The following EGFLAM variants were observed in gnomAD, a reference collection of about 807,000 sequenced individuals.
The protein encoded by EGFLAM is pikachurin.
EGFLAM carries 79 observed loss-of-function variants against 113.1 expected under a neutral mutation model. That is an observed-to-expected ratio of 0.70 (90% CI 0.58 to 0.84). EGFLAM has a LOEUF of 0.84. EGFLAM is among the 40% of genes least tolerant of loss of function. The pLI is 0.00. For synonymous variants in EGFLAM, 504 were observed against 487.6 expected, an observed-to-expected ratio of 1.03 and a Z score of -0.44; for missense variants, 1,265 against 1,291.6, an observed-to-expected ratio of 0.98 and a Z score of 0.32.
chr5:38,387,847 G>T (rs1351158221), intron 6 of EGFLAM, among the ~76,000 whole-genome samples: 1 of 152,216 alleles, frequency 6.6e-6, no homozygotes, highest in East Asian at 1.9e-4. Flanking sequence ...TGTCTATGAG[G>T]TTTTCTTCTA....
intron 5 of EGFLAM, among the ~76,000 whole-genome samples, chr5:38,368,716 C>T (rs943537119): frequency 2.0e-5 from 3 of 152,108 alleles, no homozygotes; most frequent in Non-Finnish European, 2.9e-5. Context: ...TGCCGCCCAC[C>T]GTCACTCCCC....
rs566093272 is a variant in EGFLAM at position 38,375,803 on chromosome 5, C to T, written c.712+5341C>T. On this transcript the variant is annotated intron_variant, in intron 6 of 21. Coordinates refer to ENST00000322350, the MANE Select transcript of EGFLAM (RefSeq NM_152403.4). ...CCACTGCAATGTTGAGAAGTTCGTG[C>T]AGTGTCCACATCTAATTCCAGCTCC... Among the ~76,000 whole-genome samples, 21 of 152,148 alleles carry T rather than the reference C, an allele frequency of 1.4e-4. No homozygotes were observed. In the East Asian group the frequency reaches 3.7e-3, roughly 27 times the overall value.
At chr5:38,399,398 C>T (rs1050208511) in intron 6 of EGFLAM, among the ~76,000 whole-genome samples, 9 of 151,676 alleles carry the variant, frequency 5.9e-5, no homozygotes, top group Non-Finnish European at 1.2e-4. Flanking sequence ...CCATCTCAGC[C>T]TCCTGAGTAG....
intron 13 of EGFLAM, among the ~76,000 whole-genome samples, 181 bp from the exon 14 acceptor site, chr5:38,426,828 T>C (rs1742025130): frequency 6.6e-6 from 1 of 152,108 alleles, no homozygotes; most frequent in African/African-American, 2.4e-5. Flanking sequence ...CTTAGGGTGC[T>C]CTATGATTCT....
In EGFLAM at chr5:38,370,424, GC is replaced by G. The variant is rs1740176061; in HGVS notation, c.679del (p.Arg227AlafsTer42). 1 of 1,614,158 alleles carries G rather than the reference GC, an allele frequency of 6.2e-7. No homozygotes were observed. The highest frequency in any genetic ancestry group is 1.3e-5 in the African/African-American group (1 of 75,040). ...AVRAMNSHGP[S>X]PRSWPSDIIR... ...AGGGCAATGAATTCCCATGGCCCCA[GC>G]CCCCGCAGCTGGCCCAGTGACATCA... On this transcript the variant is annotated frameshift_variant, in exon 6 of 22. Coordinates refer to ENST00000322350, the MANE Select transcript of EGFLAM (RefSeq NM_152403.4). LOFTEE classifies it high-confidence loss of function.
rs752613827 is a variant in EGFLAM, at chr5:38,417,347, C to CAAA, written c.1495-699_1495-697dup. On this transcript the variant is annotated intron_variant, in intron 11 of 21. Transcript: ENST00000322350. ...TGGGAGACAGAGCGAGACTCTGTCT[C>CAAA]AAAAAAAAAAAAAAAAAAAAAACAA... Among the ~76,000 whole-genome samples, 319 of 78,416 alleles carry CAAA rather than the reference C, an allele frequency of 4.1e-3. 7 individuals carry two copies. The highest frequency in any genetic ancestry group is 5.6e-3 in the Admixed American group (29 of 5,214). 51.4% of individuals were successfully genotyped at this position (78,416 alleles called of 152,430 possible). A position where few individuals can be genotyped will look rare whatever the true frequency, so the allele number is the denominator to read the frequency against.
intron 1 of EGFLAM, among the ~76,000 whole-genome samples, chr5:38,313,902 G>C (rs192262199): frequency 4.6e-5 from 7 of 152,160 alleles, no homozygotes; most frequent in Admixed American, 4.6e-4. Flanking sequence ...TATGTTAAAC[G>C]ATATTAATCT....
chr5:38,355,080 A>G (rs1250739661), intron 5 of EGFLAM, among the ~76,000 whole-genome samples: 1 of 152,182 alleles, frequency 6.6e-6, no homozygotes, highest in African/African-American at 2.4e-5. Context: ...ACTTGGGTGC[A>G]AATAGTTTAT....
At chr5:38,406,796 C>T in intron 7 of EGFLAM, 32 bp from the exon 8 acceptor site, 2 of 1,590,590 alleles carry the variant, frequency 1.3e-6, no homozygotes, top group Non-Finnish European at 1.7e-6. Flanking sequence ...GCTCTGTGTT[C>T]ATCTTGAACC....
rs941927144 is a variant in EGFLAM, at chr5:38,279,834, T to C, written c.97+20983T>C. Among the ~76,000 whole-genome samples, 8 of 152,082 alleles carry C rather than the reference T, an allele frequency of 5.3e-5. No individual in the cohort carries two copies. The South Asian group carries it at 1.4e-3, about 28-fold the overall frequency. ...GCTGAGTATAGTTAATGATGATATA[T>C]TGTATTATTGAAAAATGCTAAGAGT... On this transcript the variant is annotated intron_variant, in intron 1 of 21. Coordinates refer to ENST00000322350, the MANE Select transcript of EGFLAM (RefSeq NM_152403.4).
chr5:38,427,387 C>T (rs2112193403), intron 14 of EGFLAM, 135 bp downstream of exon 14: 1 of 1,422,250 alleles, frequency 7.0e-7, no homozygotes, highest in South Asian at 1.4e-5. Flanking sequence ...GAAACTTGTC[C>T]TGACTTGTCC....
chr5:38,451,633 G>A, intron 19 of EGFLAM, 175 bp downstream of exon 19: 1 of 958,076 alleles, frequency 1.0e-6, no homozygotes, highest in Non-Finnish European at 1.5e-6. Flanking sequence ...TCATCTTATA[G>A]AGCAGCAGTC....
chr5:38,432,701 A>G (rs1742225087), intron 15 of EGFLAM, among the ~76,000 whole-genome samples: 1 of 152,248 alleles, frequency 6.6e-6, no homozygotes, highest in Non-Finnish European at 1.5e-5. Context: ...AGTTGCAAAC[A>G]TCTGTAAAAC....
At chr5:38,314,093 T>C (rs13163505) in intron 1 of EGFLAM, among the ~76,000 whole-genome samples, 2,979 of 152,344 alleles carry the variant, frequency 0.02, 50 homozygotes, top group Non-Finnish European at 0.03. Context: ...GAGAATCTTC[T>C]TGTTTTATGG....
At chr5:38,435,292 G>T in intron 16 of EGFLAM, 39 bp downstream of exon 16, 1 of 1,425,460 alleles carries the variant, frequency 7.0e-7, no homozygotes. Flanking sequence ...GGGCCACCCA[G>T]ACTGTAGACA....
intron 15 of EGFLAM, among the ~76,000 whole-genome samples, chr5:38,431,724 T>C (rs1047010965): frequency 2.6e-5 from 4 of 152,168 alleles, no homozygotes; most frequent in Non-Finnish European, 5.9e-5. Flanking sequence ...TTACCAGTGG[T>C]GTGAGCTCAT....
rs1404254539 is a variant in EGFLAM, at chr5:38,407,093, G to A, written c.1094G>A (p.Gly365Glu). The part of the protein sequence containing the change: ...DSFCVNDYTW[G>E]GSRCQCTLGK... ...TTCTGTGTCAATGACTACACCTGGG[G>A]GGGCTCGCGATGCCAGTGCACCCTG... The change falls in exon 8 of 22, where the codon GGG becomes GAG. Residue 365 changes from glycine (G) to glutamate (E), a missense_variant. Transcript: ENST00000322350. 6.2e-7 allele frequency: 1 copy of A among 1,614,024 alleles called. No homozygotes were observed. The highest frequency in any genetic ancestry group is 1.3e-5 in the African/African-American group (1 of 74,916).
intron 1 of EGFLAM, among the ~76,000 whole-genome samples, chr5:38,324,036 T>C (rs1159562740): frequency 3.1e-5 from 3 of 97,968 alleles, no homozygotes; most frequent in African/African-American, 9.9e-5. Context: ...TGAAACTCCA[T>C]CTCAAACAAA....
chr5:38,436,810 C>T (rs1742365756), intron 16 of EGFLAM, among the ~76,000 whole-genome samples: 1 of 152,214 alleles, frequency 6.6e-6, no homozygotes. Context: ...CCTTCACTTG[C>T]AGCCTGAAAG....
Sources: gnomAD v4.1 joint callset for allele counts (sites outside exome capture counted in the v4.1 genomes callset) on GRCh38, gnomAD v4.1.1 for gene constraint, MANE v1.5 for transcripts, NCBI Gene and HGNC (gene_info 2026-07-23, HGNC 2026-07-21) for gene names.